GRIN2A: variants seen among roughly 807,000 people sequenced by gnomAD.
GRIN2A encodes glutamate receptor ionotropic, NMDA 2A.
In GRIN2A, 22 loss-of-function variants were observed where a neutral mutation model predicts 113.4. That is an observed-to-expected ratio of 0.19 (90% CI 0.14 to 0.28). GRIN2A has a LOEUF of 0.28. Ranked by LOEUF, GRIN2A falls within the 10% of genes least tolerant of loss-of-function variation. GRIN2A has a pLI of 1.00. For missense variants in GRIN2A, 1,502 were observed against 1,887.0 expected (o/e 0.80, Z 3.78); for synonymous variants, 827 against 738.4 (o/e 1.12, Z -1.94).
At chr16:9,970,196 T>C (rs760212806) in intron 2 of GRIN2A, among the ~76,000 whole-genome samples, 14 of 152,182 alleles carry the variant, frequency 9.2e-5, no homozygotes, top group Non-Finnish European at 1.9e-4. Flanking sequence ...GGCCTCCAGG[T>C]GAATAATTTA....
chr16:10,044,964 G>A (rs1216824757), intron 2 of GRIN2A, among the ~76,000 whole-genome samples: 2 of 152,122 alleles, frequency 1.3e-5, no homozygotes, highest in Non-Finnish European at 2.9e-5. Flanking sequence ...TCAATGACCA[G>A]GGAATTATTG....
chr16:10,042,497 C>G (rs2047183077), intron 2 of GRIN2A, among the ~76,000 whole-genome samples: 1 of 152,166 alleles, frequency 6.6e-6, no homozygotes, highest in East Asian at 1.9e-4. Context: ...ATCACTGCAC[C>G]TCTGGCCAAT....
At position 9,768,833 on chromosome 16, in the gene GRIN2A, G is replaced by T. The variant is rs758317005; in HGVS notation, c.2595+18C>A. 1.3e-6 allele frequency: 2 copies of T among 1,568,246 alleles called. No individual in the cohort carries two copies. The highest frequency in any genetic ancestry group is 8.8e-7 in the Non-Finnish European group (1 of 1,138,192). On this transcript the variant is annotated intron_variant, in intron 12 of 12. Transcript: ENST00000330684. ...AACCTGCTTGCAGTGCAAGAAAGTA[G>T]CCACCCGGTGTACTGACCCTGCTGA... is the stretch of plus-strand genomic sequence containing the variant.
At chr16:9,898,525 C>T (rs2043852646) in intron 3 of GRIN2A, among the ~76,000 whole-genome samples, 1 of 152,126 alleles carries the variant, frequency 6.6e-6, no homozygotes, top group South Asian at 2.1e-4. Flanking sequence ...CTATTTCCCC[C>T]TTAGACTTTA....
intron 2 of GRIN2A, among the ~76,000 whole-genome samples, chr16:10,058,886 C>T (rs1027972466): frequency 5.9e-5 from 9 of 152,048 alleles, no homozygotes; most frequent in African/African-American, 2.2e-4. Context: ...CAGAGACAGT[C>T]AATAAGCAGA....
chr16:9,793,200 C>T (rs751481430), intron 11 of GRIN2A, among the ~76,000 whole-genome samples: 7 of 152,128 alleles, frequency 4.6e-5, no homozygotes, highest in Non-Finnish European at 7.4e-5. Context: ...ATGTGATGTG[C>T]TTGGCATAGT....
In GRIN2A at chr16:10,169,083, C is replaced by T. The variant is rs191523714; in HGVS notation, c.414+10915G>A. 1.7e-4 allele frequency among the ~76,000 whole-genome samples: 26 copies of T among 151,986 alleles called. No homozygotes were observed. The East Asian group carries it at 4.8e-3, about 28-fold the overall frequency. On this transcript the variant is annotated intron_variant, in intron 2 of 12. Transcript: ENST00000330684. ...TAAGACTTAACCTTCTACCTTGTAA[C>T]AGCCCATGGAGTATCTGAACACTTC...
chr16:9,766,812 C>T (rs1567280690), intron 12 of GRIN2A, among the ~76,000 whole-genome samples: 1 of 152,168 alleles, frequency 6.6e-6, no homozygotes, highest in Non-Finnish European at 1.5e-5. Flanking sequence ...TCCTTCTCCC[C>T]TAGGGATGGA....
rs758582705 is a variant in GRIN2A at position 9,763,217 on chromosome 16, T to G, written c.4327A>C (p.Arg1443=). The G allele has an allele frequency of 1.9e-6, 3 of 1,613,998 alleles. No homozygotes were observed. The highest frequency in any genetic ancestry group is 2.2e-5 in the South Asian group (2 of 91,080). ...ANKNNMYSTP[R]VLNSCSNRRV... ...CTATTGCTGCAGGAATTTAAAACCC[T>G]GGGGGTAGAGTACATATTATTCTTA... Residue 1443 remains arginine (R), a synonymous_variant, in exon 13 of 13, where the codon AGG becomes CGG. Coordinates refer to ENST00000330684, the MANE Select transcript of GRIN2A (RefSeq NM_001134407.3).
chr16:9,817,116 CA>C (rs986336752), intron 10 of GRIN2A, among the ~76,000 whole-genome samples: 55 of 152,266 alleles, frequency 3.6e-4, no homozygotes, highest in African/African-American at 1.3e-3. Context: ...TGCCTTTCTT[CA>C]AAAAATTAGG....
chr16:9,830,676 T>C (rs1357562400), intron 8 of GRIN2A, among the ~76,000 whole-genome samples: 1 of 152,194 alleles, frequency 6.6e-6, no homozygotes, highest in Non-Finnish European at 1.5e-5. Flanking sequence ...ATGGAAGTTA[T>C]GAAGTGCTGG....
At chr16:10,140,284 A>G (rs1274902827) in intron 2 of GRIN2A, among the ~76,000 whole-genome samples, 1 of 152,128 alleles carries the variant, frequency 6.6e-6, no homozygotes, top group Non-Finnish European at 1.5e-5. Context: ...CACACAGTAT[A>G]CCATGACGAT....
chr16:9,825,657 T>G (rs1264631170), intron 9 of GRIN2A, among the ~76,000 whole-genome samples: 1 of 152,140 alleles, frequency 6.6e-6, no homozygotes, highest in Non-Finnish European at 1.5e-5. Flanking sequence ...AGCCCCTATT[T>G]CTAGTACAGT....
chr16:10,019,364 A>T (rs987078651), intron 2 of GRIN2A, among the ~76,000 whole-genome samples: 1 of 152,228 alleles, frequency 6.6e-6, no homozygotes, highest in Non-Finnish European at 1.5e-5. Flanking sequence ...TATGCATGGA[A>T]AGCATCTATC....
chr16:9,919,070 G>T (rs1359999065), intron 3 of GRIN2A, among the ~76,000 whole-genome samples: 3 of 152,154 alleles, frequency 2.0e-5, no homozygotes, highest in Non-Finnish European at 4.4e-5. Context: ...CTCCTCAGGA[G>T]GCCGAGGCAG....
chr16:9,809,451 A>G (rs547021797), intron 10 of GRIN2A, among the ~76,000 whole-genome samples: 18 of 152,278 alleles, frequency 1.2e-4, no homozygotes, highest in Non-Finnish European at 1.9e-4. Context: ...AACATATGCA[A>G]ATGCATATAA....
chr16:9,989,458 T>C (rs777663343), intron 2 of GRIN2A, among the ~76,000 whole-genome samples: 1 of 152,076 alleles, frequency 6.6e-6, no homozygotes, highest in Non-Finnish European at 1.5e-5. Flanking sequence ...ACCTAGGAAA[T>C]ACTGTTCTGG....
chr16:10,017,436 G>C (rs958267601), intron 2 of GRIN2A, among the ~76,000 whole-genome samples: 1 of 152,140 alleles, frequency 6.6e-6, no homozygotes, highest in African/African-American at 2.4e-5. Flanking sequence ...GGTTACAGTA[G>C]ACTGAGTGCA....
At chr16:9,903,224 T>G (rs974410783) in intron 3 of GRIN2A, among the ~76,000 whole-genome samples, 1 of 152,084 alleles carries the variant, frequency 6.6e-6, no homozygotes, top group African/African-American at 2.4e-5. Context: ...CACCTCGGCC[T>G]CCCAAAGTGC....
Sources: allele counts gnomAD v4.1 joint callset (sites outside exome capture counted in the v4.1 genomes callset), GRCh38; gene constraint gnomAD v4.1.1; transcripts MANE v1.5; gene names NCBI Gene and HGNC (gene_info 2026-07-23, HGNC 2026-07-21).